ITGAE: variants seen among roughly 807,000 people sequenced by gnomAD.
The protein encoded by ITGAE is integrin alpha-E.
Under a neutral mutation model 136.5 loss-of-function variants are expected in ITGAE, and 99 were observed. That is an observed-to-expected ratio of 0.73 (90% CI 0.62 to 0.86). ITGAE has a LOEUF of 0.86. Among genes scored for constraint, ITGAE ranks in the 40% least tolerant of loss-of-function variants. ITGAE has a pLI of 0.00. For synonymous variants in ITGAE, 613 were observed against 591.8 expected (o/e 1.04, Z -0.52); for missense variants, 1,447 against 1,515.3 (o/e 0.95, Z 0.75).
chr17:3,776,183 G>A (rs893030346), intron 2 of ITGAE, among the ~76,000 whole-genome samples: 1 of 147,804 alleles, frequency 6.8e-6, no homozygotes, highest in Non-Finnish European at 1.5e-5. Context: ...TCAGCCTCCC[G>A]AGTAGCTGGG....
intron 19 of ITGAE, among the ~76,000 whole-genome samples, chr17:3,740,635 C>T (rs1224979224): frequency 6.6e-6 from 1 of 152,248 alleles, no homozygotes; most frequent in African/African-American, 2.4e-5. Context: ...CTTGGCCTTC[C>T]AAAGTGTTGG....
intron 2 of ITGAE, among the ~76,000 whole-genome samples, chr17:3,769,171 C>T (rs1030720677): frequency 5.9e-5 from 9 of 152,146 alleles, no homozygotes; most frequent in African/African-American, 2.2e-4. Flanking sequence ...GGACCCGCCT[C>T]CAGTCTCTCT....
intron 28 of ITGAE, chr17:3,721,571 C>T (rs2051051673): frequency 6.6e-6 from 1 of 152,288 alleles, no homozygotes; most frequent in African/African-American, 2.4e-5. Flanking sequence ...AGCCACCACA[C>T]TCACAATTCT....
chr17:3,724,697 T>C, intron 26 of ITGAE: 1 of 1,614,134 alleles, frequency 6.2e-7, no homozygotes, highest in Non-Finnish European at 8.5e-7. Flanking sequence ...CAGGAACCCC[T>C]GAGGATTCTG....
intron 17 of ITGAE, 49 bp from the exon 18 acceptor site, chr17:3,745,976 G>T: frequency 1.3e-6 from 2 of 1,554,540 alleles, no homozygotes; most frequent in Non-Finnish European, 1.8e-6. Context: ...TGAGCCAGCC[G>T]CAGACAGAAG....
At chr17:3,781,129 T>C (rs927954718) in intron 1 of ITGAE, among the ~76,000 whole-genome samples, 3 of 152,244 alleles carry the variant, frequency 2.0e-5, no homozygotes, top group Non-Finnish European at 2.9e-5. Context: ...TAAGAGCTTT[T>C]CTCTATCCAA....
intron 26 of ITGAE, chr17:3,724,253 C>T: frequency 6.3e-7 from 1 of 1,592,422 alleles, no homozygotes; most frequent in Non-Finnish European, 8.5e-7. Context: ...TGCGAGCTCG[C>T]CCAAGCCTAA....
At chr17:3,737,657 T>TG (rs1218697618) in intron 20 of ITGAE, among the ~76,000 whole-genome samples, 36 of 152,274 alleles carry the variant, frequency 2.4e-4, no homozygotes, top group Non-Finnish European at 4.4e-5. Context: ...TTAACAGCGT[T>TG]GCCTAATCTG....
At chr17:3,725,155 C>A in intron 26 of ITGAE, 1 of 1,614,186 alleles carries the variant, frequency 6.2e-7, no homozygotes, top group Non-Finnish European at 8.5e-7. Context: ...AGCATCTATA[C>A]CACTGCCACT....
chr17:3,750,373 A>T lies in ITGAE; in HGVS notation c.2003T>A (p.Leu668Gln). ...DGLADITVGT[L>Q]GQAVVFRSRP... is the part of the protein sequence containing the mutation. ...CTACCGGAACACAACCGCCTGGCCC[A>T]GAGTGCCCACGGTGATGTCGGCAAG... The change falls in exon 16 of 31, where the codon CTG becomes CAG. Residue 668 changes from leucine (L) to glutamine (Q), a missense_variant. By Grantham distance (113) the Leu-to-Gln change is moderately radical. This residue lies in a region of ITGAE where 1,031 missense variants were observed against 1,011.4 expected (regional missense o/e 1.02). Transcript: ENST00000263087. 1 of 1,614,174 alleles carries T rather than the reference A, an allele frequency of 6.2e-7. No homozygotes were observed. Among genetic ancestry groups the T allele is most frequent in the East Asian group, 2.2e-5 (1 of 44,882 alleles).
chr17:3,749,453 C>T (rs899559212), intron 16 of ITGAE, among the ~76,000 whole-genome samples: 4 of 152,026 alleles, frequency 2.6e-5, no homozygotes, highest in Non-Finnish European at 5.9e-5. Context: ...GAGGTTTCAC[C>T]GTGTTAGCCA....
chr17:3,795,580 T>C (rs1216611426), intron 1 of ITGAE, among the ~76,000 whole-genome samples: 1 of 152,216 alleles, frequency 6.6e-6, no homozygotes. Flanking sequence ...TTTCAAAGCC[T>C]TTAGTAATAG....
chr17:3,723,893 G>C (rs1444250691), intron 26 of ITGAE, 149 bp from the exon 27 acceptor site: 1 of 1,528,224 alleles, frequency 6.5e-7, no homozygotes, highest in Non-Finnish European at 8.8e-7. Flanking sequence ...TCGCACGGAA[G>C]TCTCGCGATG....
intron 26 of ITGAE, chr17:3,726,325 TTAAG>T: frequency 6.2e-7 from 1 of 1,605,902 alleles, no homozygotes; most frequent in Non-Finnish European, 8.5e-7. Context: ...CACAGTCTGT[TTAAG>T]TAAGCTAAAT....
chr17:3,801,176 C>T lies in ITGAE; in HGVS notation c.-32G>A. On this transcript the variant is annotated 5_prime_UTR_variant, in exon 1 of 31. Transcript: ENST00000263087. The stretch of plus-strand genomic sequence containing the variant: ...TGGAGCAGAGGCGGCTGTGTGGGAG[C>T]CGAGGCGAGTGCGACACATGGGCCG... 6.2e-7 allele frequency: 1 copy of T among 1,607,670 alleles called. No homozygotes were observed. Among genetic ancestry groups the T allele is most frequent in the Non-Finnish European group, 8.5e-7 (1 of 1,179,788 alleles).
At chr17:3,746,053 G>T in intron 17 of ITGAE, 126 bp from the exon 18 acceptor site, 1 of 804,740 alleles carries the variant, frequency 1.2e-6, no homozygotes. Context: ...GTACTTCCCT[G>T]CGGCTGGACT....
intron 2 of ITGAE, among the ~76,000 whole-genome samples, chr17:3,775,727 C>G (rs919066160): frequency 1.3e-5 from 2 of 152,008 alleles, no homozygotes; most frequent in Non-Finnish European, 2.9e-5. Context: ...GCCTCGGCCT[C>G]CCAAAGTGCT....
intron 18 of ITGAE, 85 bp downstream of exon 18, chr17:3,745,679 G>T: frequency 7.8e-7 from 1 of 1,289,756 alleles, no homozygotes; most frequent in Non-Finnish European, 1.1e-6. Flanking sequence ...TGTAGGTCTG[G>T]GTATGTGCCC....
chr17:3,760,202 C>T lies in ITGAE; in HGVS notation c.684G>A (p.Met228Ile). Residue 228 changes from methionine to isoleucine, a missense_variant, in exon 7 of 31, where the codon ATG becomes ATA. Physicochemically the swap from Met to Ile is conservative, Grantham distance 10. This residue lies in a region of ITGAE where 310 missense variants were observed against 416.1 expected (regional missense o/e 0.74). Coordinates refer to ENST00000263087, the MANE Select transcript of ITGAE (RefSeq NM_002208.5). ...AACACTTTTCATAGAAGTTCCTCATCATGTTGGAGATGAAGTCTTTGGCTC... is the reference window on the plus strand; with the variant it reads ...AACACTTTTCATAGAAGTTCCTCATTATGTTGGAGATGAAGTCTTTGGCTC... ...FQRAKDFISNMMRNFYEKCFE... is the reference protein window; with the variant it reads ...FQRAKDFISNIMRNFYEKCFE... 2 of 1,613,430 alleles carry T rather than the reference C, an allele frequency of 1.2e-6. No homozygotes were observed. Among genetic ancestry groups the T allele is most frequent in the South Asian group, 1.1e-5 (1 of 91,056 alleles).
Sources: gnomAD v4.1 joint callset for allele counts (sites outside exome capture counted in the v4.1 genomes callset) on GRCh38, gnomAD v4.1.1 for gene constraint, gnomAD v4.1.1 regional missense constraint, MANE v1.5 for transcripts, NCBI Gene and HGNC (gene_info 2026-07-23, HGNC 2026-07-21) for gene names.